The following PLAC1 variants were observed in gnomAD, a reference collection of about 807,000 sequenced individuals.
PLAC1 encodes placenta associated 1.
For missense variants in PLAC1, 136 were observed against 163.2 expected (o/e 0.83, Z 0.91); for synonymous variants, 68 against 62.1 (o/e 1.09, Z -0.44).
intron 1 of PLAC1, among the ~76,000 whole-genome samples, chrX:134,748,773 C>A (rs1293903357): frequency 9.0e-6 from 1 of 111,625 alleles, no homozygotes; most frequent in Admixed American, 9.5e-5. Context: ...ACTGGCAAGA[C>A]AATTACCTAG....
intron 1 of PLAC1, among the ~76,000 whole-genome samples, chrX:134,627,590 G>C (rs902210114): frequency 1.8e-5 from 2 of 112,283 alleles, no homozygotes; most frequent in Non-Finnish European, 3.8e-5. Flanking sequence ...TCTTATCATA[G>C]GAAGATCTCC....
intron 2 of PLAC1, among the ~76,000 whole-genome samples, chrX:134,692,899 C>T (rs1023534162): frequency 4.5e-5 from 5 of 111,668 alleles, no homozygotes; most frequent in African/African-American, 1.6e-4. Flanking sequence ...GGGGAGCAAT[C>T]GGTGTCAACA....
At chrX:134,575,165 G>A (rs921318495) in intron 2 of PLAC1, among the ~76,000 whole-genome samples, 1 of 110,847 alleles carries the variant, frequency 9.0e-6, no homozygotes, top group African/African-American at 3.3e-5. Flanking sequence ...CTTCACGTCA[G>A]TTTGAGTGTC....
At chrX:134,613,180 T>C (rs1473671919) in intron 1 of PLAC1, among the ~76,000 whole-genome samples, 1 of 110,550 alleles carries the variant, frequency 9.0e-6, no homozygotes, top group African/African-American at 3.3e-5. Context: ...ACCTCAAATC[T>C]GAGAAAGAAA....
At chrX:134,720,831 T>A (rs1464998923) in intron 2 of PLAC1, among the ~76,000 whole-genome samples, 4 of 112,193 alleles carry the variant, frequency 3.6e-5, no homozygotes, top group Non-Finnish European at 7.5e-5. Context: ...GAATTTTTTT[T>A]ATTTTTTGTA....
intron 2 of PLAC1, among the ~76,000 whole-genome samples, chrX:134,571,902 G>A (rs184589942): frequency 2.7e-5 from 3 of 111,774 alleles, no homozygotes; most frequent in East Asian, 5.6e-4. Flanking sequence ...ATAGGCTCCT[G>A]GAAGCTTTTT....
rs779707458 is a variant in PLAC1 at position 134,713,342 on chromosome X, C to A, written n.174+20093G>T. On this transcript the variant is annotated intron_variant and non_coding_transcript_variant, in intron 2 of 2. Coordinates refer to the PLAC1 transcript ENST00000466797. ...GTCCACTGTGATTATGGGCAATTTTCTTAACCAGAAAGCATTGAGTAGTAA... is the reference window on the plus strand; with the variant it reads ...GTCCACTGTGATTATGGGCAATTTTATTAACCAGAAAGCATTGAGTAGTAA... 3.1e-3 allele frequency among the ~76,000 whole-genome samples: 344 copies of A among 112,534 alleles called. 1 individual carries two copies. The highest frequency in any genetic ancestry group is 0.011 in the African/African-American group (330 of 30,989).
chrX:134,635,372 C>T lies in PLAC1; in HGVS notation c.-131+22956G>A, dbSNP rs1397950751. Among the ~76,000 whole-genome samples the T allele has an allele frequency of 3.6e-5, 4 of 110,916 alleles. No individual in the cohort carries two copies. In the East Asian group the frequency reaches 1.1e-3, roughly 32 times the overall value. ...CTCTCTCTGGAGACAGGGTCTCACT[C>T]TGTTGCCCAGACTGGAGTGTAGTGG... is the stretch of plus-strand genomic sequence containing the variant. On this transcript the variant is annotated intron_variant, in intron 1 of 2. Coordinates refer to ENST00000359237, the MANE Select transcript of PLAC1 (RefSeq NM_021796.4).
chrX:134,689,703 G>A, intron 2 of PLAC1, among the ~76,000 whole-genome samples: 1 of 111,808 alleles, frequency 8.9e-6, no homozygotes, highest in East Asian at 2.8e-4. Context: ...GAGCCTTGGT[G>A]CCCTCCTAAG....
chrX:134,590,807 A>G, intron 2 of PLAC1, among the ~76,000 whole-genome samples: 2 of 110,256 alleles, frequency 1.8e-5, no homozygotes, highest in Non-Finnish European at 3.8e-5. Context: ...GGGTTTCACC[A>G]TGTTGGCCAG....
chrX:134,574,164 C>T (rs754149036), intron 2 of PLAC1, among the ~76,000 whole-genome samples: 7 of 110,534 alleles, frequency 6.3e-5, no homozygotes, highest in Non-Finnish European at 1.3e-4. Context: ...GAAGAAAATC[C>T]CCAAATCTGT....
intron 1 of PLAC1, among the ~76,000 whole-genome samples, chrX:134,633,136 G>A (rs532393580): frequency 9.0e-6 from 1 of 111,440 alleles, no homozygotes; most frequent in South Asian, 3.8e-4. Flanking sequence ...TTTCTTCCCC[G>A]TCTTGTCTCC....
chrX:134,664,773 G>A (rs920864503), intron 2 of PLAC1, among the ~76,000 whole-genome samples: 5 of 111,719 alleles, frequency 4.5e-5, no homozygotes, highest in African/African-American at 1.6e-4. Context: ...AATGGTGGTG[G>A]AACTTCCTTT....
At chrX:134,598,799 T>A (rs2078073755) in intron 2 of PLAC1, among the ~76,000 whole-genome samples, 1 of 111,653 alleles carries the variant, frequency 9.0e-6, no homozygotes, top group Admixed American at 9.5e-5. Flanking sequence ...AGACTTTGGT[T>A]CAGATCCTGG....
intron 1 of PLAC1, among the ~76,000 whole-genome samples, chrX:134,649,554 C>G (rs1373295166): frequency 9.0e-6 from 1 of 111,042 alleles, no homozygotes; most frequent in Non-Finnish European, 1.9e-5. Context: ...GGGAGGCCAG[C>G]ACGCCACTGA....
chrX:134,690,398 G>A (rs749758566), intron 2 of PLAC1, among the ~76,000 whole-genome samples: 40 of 111,739 alleles, frequency 3.6e-4, no homozygotes, highest in African/African-American at 1.3e-3. Context: ...CTGGGGCAGT[G>A]GTTTTCAAAC....
chrX:134,565,983 C>T lies in PLAC1; in HGVS notation c.*61G>A, dbSNP rs376949222. On this transcript the variant is annotated 3_prime_UTR_variant, in exon 3 of 3. Transcript: ENST00000359237. ...GTCACAAGAGCACTTATTTGTCAGA[C>T]ATTTGTACACTATATACTAATTCTA... 19 of 1,022,509 alleles carry T rather than the reference C, an allele frequency of 1.9e-5. No homozygotes were observed. Among genetic ancestry groups the T allele is most frequent in the East Asian group, 1.5e-4 (5 of 32,824 alleles). 84.3% of individuals were successfully genotyped at this position (1,022,509 alleles called of 1,213,427 possible). A position where few individuals can be genotyped will look rare whatever the true frequency, so the allele number is the denominator to read the frequency against.
intron 1 of PLAC1, among the ~76,000 whole-genome samples, chrX:134,761,645 G>A (rs1386524822): frequency 8.9e-6 from 1 of 111,894 alleles, no homozygotes; most frequent in Non-Finnish European, 1.9e-5. Context: ...GAGGTCAAGG[G>A]TAAGAGGAAA....
chrX:134,607,760 C>T (rs768334544), intron 1 of PLAC1: 2 of 111,836 alleles, frequency 1.8e-5, no homozygotes, highest in Admixed American at 1.9e-4. Flanking sequence ...ACAGCATTTC[C>T]TGCTGGACAT....
Sources: gnomAD v4.1 joint callset for allele counts (sites outside exome capture counted in the v4.1 genomes callset) on GRCh38, gnomAD v4.1.1 for gene constraint, MANE v1.5 for transcripts, NCBI Gene and HGNC (gene_info 2026-07-23, HGNC 2026-07-21) for gene names.